LTBP2: variants seen among roughly 807,000 people sequenced by gnomAD.
LTBP2 encodes latent-transforming growth factor beta-binding protein 2.
In LTBP2, 103 loss-of-function variants were observed where a neutral mutation model predicts 210.6. That is an observed-to-expected ratio of 0.49 (90% confidence interval 0.42 to 0.58). LTBP2 has a LOEUF of 0.58. Ranked by LOEUF, LTBP2 falls within the 20% of genes least tolerant of loss-of-function variation. The pLI is 0.00. For synonymous variants in LTBP2, 1,007 were observed against 1,015.0 expected (o/e 0.99, Z 0.15); for missense variants, 2,313 against 2,494.5 (o/e 0.93, Z 1.55).
At chr14:74,561,880 G>C (rs73297924) in intron 3 of LTBP2, among the ~76,000 whole-genome samples, 1,649 of 152,058 alleles carry the variant, frequency 0.011, 42 homozygotes, top group African/African-American at 0.038. Context: ...GATTTTAACA[G>C]ACCCAAAATG....
In LTBP2 at chr14:74,586,790, C is replaced by G. The variant is rs1261996900; in HGVS notation, c.566-672G>C. On this transcript the variant is annotated intron_variant, in intron 2 of 35. Coordinates refer to ENST00000261978, the MANE Select transcript of LTBP2 (RefSeq NM_000428.3). This position sits in a 1 kb window ranked among gnomAD's most constrained non-coding sequence, Gnocchi z 4.6. ...GTTCTCCATCTCCCACCCTCCTTAG[C>G]AAGGCAGAACTCTCGACTGCGGCCA... Among the ~76,000 whole-genome samples, 1 of 152,194 alleles carries G rather than the reference C, an allele frequency of 6.6e-6. No individual in the cohort carries two copies. The highest frequency in any genetic ancestry group is 1.9e-4 in the East Asian group (1 of 5,188).
chr14:74,597,217 C>G (rs577775266), intron 2 of LTBP2, among the ~76,000 whole-genome samples: 1 of 152,122 alleles, frequency 6.6e-6, no homozygotes, highest in Non-Finnish European at 1.5e-5. Flanking sequence ...AGAGTGAGCC[C>G]CGGGCATTAC....
intron 3 of LTBP2, among the ~76,000 whole-genome samples, chr14:74,558,299 G>A (rs113934803): frequency 3.2e-4 from 49 of 152,332 alleles, no homozygotes; most frequent in African/African-American, 1.1e-3. Context: ...GGAGGCTGAG[G>A]CACGAGAATC....
At chr14:74,572,299 G>C (rs2087989849) in intron 3 of LTBP2, among the ~76,000 whole-genome samples, 1 of 147,890 alleles carries the variant, frequency 6.8e-6, no homozygotes, top group Admixed American at 6.7e-5. Flanking sequence ...GTGTGTGTGT[G>C]TGTGTGTCTG....
intron 2 of LTBP2, among the ~76,000 whole-genome samples, chr14:74,596,841 T>G (rs1271911312): frequency 6.6e-6 from 1 of 151,992 alleles, no homozygotes; most frequent in African/African-American, 2.4e-5. Flanking sequence ...GGGAGTTAGC[T>G]CAGAGGAAGG....
rs59313477 is a variant in LTBP2, at chr14:74,604,164, C to CAAAAAAAAAAAAAAAAAAAA, written c.495-479_495-460dup. 9.4e-3 allele frequency among the ~76,000 whole-genome samples: 681 copies of CAAAAAAAAAAAAAAAAAAAA among 72,618 alleles called. 39 individuals carry two copies. The highest frequency in any genetic ancestry group is 0.021 in the East Asian group (46 of 2,224). The allele number at this position is 72,618 out of a possible 152,430, so 47.6% of individuals were successfully genotyped here. ...GCTCCAACTCTACATTGCCTCTCAC[C>CAAAAAAAAAAAAAAAAAAAA]AAAAAAAAAAAAAAAAAAAACCACA... On this transcript the variant is annotated intron_variant, in intron 1 of 35. Coordinates refer to ENST00000261978, the MANE Select transcript of LTBP2 (RefSeq NM_000428.3).
rs561998549 is a variant in LTBP2, at chr14:74,516,829, G to A, written c.2901C>T (p.His967=). 4.4e-5 allele frequency: 68 copies of A among 1,551,844 alleles called. 1 individual carries two copies. In the South Asian group the frequency reaches 6.5e-4, roughly 15 times the overall value. Residue 967 remains histidine, a synonymous_variant, in exon 18 of 36, where the codon CAC becomes CAT. Coordinates refer to ENST00000261978, the MANE Select transcript of LTBP2 (RefSeq NM_000428.3). ...DQGYIMVRKG[H]CQDINECRHP... is the part of the protein sequence containing the mutation. ...CTCCTTCCCGTTCCTTACCTTGGCA[G>A]TGTCCTTTCCTGACCATGATGTAGC...
chr14:74,526,842 A>C (rs1328877451), intron 13 of LTBP2, among the ~76,000 whole-genome samples: 2 of 152,086 alleles, frequency 1.3e-5, no homozygotes, highest in Non-Finnish European at 2.9e-5. Flanking sequence ...TTCCCAGGGG[A>C]ATCTTGGGCA....
At chr14:74,572,786 C>A (rs2088003061) in intron 3 of LTBP2, among the ~76,000 whole-genome samples, 1 of 152,132 alleles carries the variant, frequency 6.6e-6, no homozygotes, top group South Asian at 2.1e-4. Context: ...CAGAGGGAGA[C>A]CCTCACTGAG....
chr14:74,516,158 C>G (rs935431608), intron 18 of LTBP2, among the ~76,000 whole-genome samples: 1 of 152,250 alleles, frequency 6.6e-6, no homozygotes, highest in African/African-American at 2.4e-5. Context: ...CCTGTCCCAG[C>G]CAGTCTCGAG....
chr14:74,581,075 A>G (rs545869019), intron 3 of LTBP2, among the ~76,000 whole-genome samples: 2 of 152,372 alleles, frequency 1.3e-5, no homozygotes, highest in South Asian at 4.1e-4. Flanking sequence ...GAGCAGAAGC[A>G]GGATGAACAC....
chr14:74,563,062 A>G (rs975967755), intron 3 of LTBP2, among the ~76,000 whole-genome samples: 1 of 152,142 alleles, frequency 6.6e-6, no homozygotes, highest in African/African-American at 2.4e-5. Context: ...CCACCTGAGA[A>G]GCTCCTCCCA....
chr14:74,532,456 T>A lies in LTBP2; in HGVS notation c.1957A>T (p.Met653Leu), dbSNP rs771041436. 1.5e-5 allele frequency: 24 copies of A among 1,614,050 alleles called. No individual in the cohort carries two copies. In the Admixed American group the frequency reaches 3.7e-4, roughly 25 times the overall value. The change falls in exon 10 of 36, where the codon ATG (methionine) becomes TTG (leucine). Residue 653 changes from methionine (M) to leucine (L), a missense_variant. Coordinates refer to ENST00000261978, the MANE Select transcript of LTBP2 (RefSeq NM_000428.3). ...CAGCGGCTCCGCGATGGATCCAGCATGAGGCCAGGTCTGCATGTGCACAGG... is the reference window on the plus strand; with the variant it reads ...CAGCGGCTCCGCGATGGATCCAGCAAGAGGCCAGGTCTGCATGTGCACAGG... ...SYLCTCRPGL[M>L]LDPSRSRCVS...
intron 8 of LTBP2, among the ~76,000 whole-genome samples, chr14:74,536,885 CA>C (rs1566628380): frequency 6.6e-6 from 1 of 152,106 alleles, no homozygotes; most frequent in Admixed American, 6.6e-5. Flanking sequence ...CAAATATATA[CA>C]ATTTTTATTT....
chr14:74,516,679 G>C, intron 18 of LTBP2, 143 bp downstream of exon 18: 1 of 1,106,252 alleles, frequency 9.0e-7, no homozygotes, highest in Non-Finnish European at 1.3e-6. Context: ...ATTCTCATAG[G>C]TGTCTCTGTC....
intron 3 of LTBP2, among the ~76,000 whole-genome samples, chr14:74,567,693 T>C (rs564823938): frequency 1.3e-5 from 2 of 152,192 alleles, no homozygotes; most frequent in Non-Finnish European, 2.9e-5. Context: ...GACTGGGCCT[T>C]ACCCTCTTCA....
chr14:74,506,021 A>G (rs199982166), intron 28 of LTBP2, 27 bp downstream of exon 28: 25 of 1,613,748 alleles, frequency 1.5e-5, no homozygotes, highest in Non-Finnish European at 2.1e-5. Flanking sequence ...CTGAGTCACC[A>G]TGGATAATGT....
At chr14:74,605,665 C>T (rs1464387139) in intron 1 of LTBP2, among the ~76,000 whole-genome samples, 3 of 152,196 alleles carry the variant, frequency 2.0e-5, no homozygotes, top group East Asian at 1.9e-4. Flanking sequence ...ACAGCACGGA[C>T]GCAGGAGCCT....
At chr14:74,568,245 CTA>C (rs2087929167) in intron 3 of LTBP2, among the ~76,000 whole-genome samples, 1 of 152,184 alleles carries the variant, frequency 6.6e-6, no homozygotes, top group African/African-American at 2.4e-5. Flanking sequence ...AGCAGGTACA[CTA>C]TATACAGCAG....
Sources: gnomAD v4.1 joint callset for allele counts (sites outside exome capture counted in the v4.1 genomes callset) on GRCh38, gnomAD v4.1.1 for gene constraint, Gnocchi (gnomAD v3.1) non-coding constraint, MANE v1.5 for transcripts, NCBI Gene and HGNC (gene_info 2026-07-23, HGNC 2026-07-21) for gene names.